Variants in KIAA1549L observed in about 807,000 individuals in gnomAD.
KIAA1549L encodes UPF0606 protein KIAA1549L.
Under a neutral mutation model 160.7 loss-of-function variants are expected in KIAA1549L, and 88 were observed. The observed-to-expected ratio is 0.55, with a 90% CI of 0.46 to 0.65. The LOEUF is 0.65. Among genes scored for constraint, KIAA1549L ranks in the 30% least tolerant of loss-of-function variants. The pLI is 0.00. For synonymous variants in KIAA1549L, 950 were observed against 976.7 expected, an observed-to-expected ratio of 0.97 and a Z score of 0.51; for missense variants, 2,258 against 2,437.5, an observed-to-expected ratio of 0.93 and a Z score of 1.55.
chr11:33,544,562 C>A (rs1042113892), intron 2 of KIAA1549L, among the ~76,000 whole-genome samples: 1 of 152,200 alleles, frequency 6.6e-6, no homozygotes, highest in African/African-American at 2.4e-5. Context: ...TTGCTATCAA[C>A]CATAGCTGTG....
At chr11:33,658,956 C>T in intron 19 of KIAA1549L, 58 bp downstream of exon 19, 5 of 1,467,336 alleles carry the variant, frequency 3.4e-6, no homozygotes, top group Non-Finnish European at 4.6e-6. Flanking sequence ...CCCTGTCCTC[C>T]CTCAAATCCC....
At chr11:33,667,729 A>C in intron 20 of KIAA1549L, 144 bp from the exon 21 acceptor site, 1 of 688,508 alleles carries the variant, frequency 1.5e-6, no homozygotes. Flanking sequence ...TTTTATATCT[A>C]TACAATGGTA....
At chr11:33,643,421 A>G (rs1445934582) in intron 16 of KIAA1549L, among the ~76,000 whole-genome samples, 1 of 152,194 alleles carries the variant, frequency 6.6e-6, no homozygotes, top group South Asian at 2.1e-4. Context: ...CTAAGGCACA[A>G]CTATAAATTC....
intron 6 of KIAA1549L, among the ~76,000 whole-genome samples, chr11:33,552,462 G>T (rs972809122): frequency 1.3e-5 from 2 of 152,084 alleles, no homozygotes; most frequent in Non-Finnish European, 2.9e-5. Context: ...TTCCCCATGG[G>T]ATGCTTTCTG....
intron 1 of KIAA1549L, among the ~76,000 whole-genome samples, chr11:33,490,246 T>A (rs1175677493): frequency 6.6e-6 from 1 of 152,106 alleles, no homozygotes; most frequent in African/African-American, 2.4e-5. Flanking sequence ...ACAGATTATC[T>A]TTCTCCTCTT....
intron 17 of KIAA1549L, among the ~76,000 whole-genome samples, chr11:33,648,307 T>C (rs1851785209): frequency 6.6e-6 from 1 of 152,048 alleles, no homozygotes; most frequent in Non-Finnish European, 1.5e-5. Context: ...AATCAGAACA[T>C]TATTAAACGC....
At position 33,544,170 on chromosome 11, in the gene KIAA1549L, T is replaced by A. The variant is rs1245981668; in HGVS notation, c.2607T>A (p.Ser869=). 6 of 1,613,922 alleles carry A rather than the reference T, an allele frequency of 3.7e-6. No individual in the cohort carries two copies. Among genetic ancestry groups the A allele is most frequent in the Non-Finnish European group, 5.1e-6 (6 of 1,179,902 alleles). Residue 869 remains serine (S), a synonymous_variant, in exon 2 of 21, where the codon TCT becomes TCA. Transcript: ENST00000658780. The part of the protein sequence containing the change: ...EMLSDGTDTG[S]EISSDINSSP... ...TTTCAGATGGAACAGATACAGGTTC[T>A]GAAATTTCCAGTGACATCAATTCAT...
chr11:33,493,175 A>G (rs1325373233), intron 1 of KIAA1549L, among the ~76,000 whole-genome samples: 1 of 152,050 alleles, frequency 6.6e-6, no homozygotes, highest in African/African-American at 2.4e-5. Flanking sequence ...GTGTCTCCCA[A>G]AAAGCATGCA....
chr11:33,394,869 G>A (rs142127830), intron 1 of KIAA1549L, among the ~76,000 whole-genome samples: 58 of 152,340 alleles, frequency 3.8e-4, no homozygotes, highest in African/African-American at 1.3e-3. Context: ...GCTTGTCTGC[G>A]TGCAGCAGAT....
intron 1 of KIAA1549L, among the ~76,000 whole-genome samples, chr11:33,471,860 C>CT (rs1451616154): frequency 1.3e-5 from 2 of 152,242 alleles, no homozygotes; most frequent in African/African-American, 4.8e-5. Flanking sequence ...CTGCGAGTCT[C>CT]TGAGCCCTTG....
intron 1 of KIAA1549L, among the ~76,000 whole-genome samples, chr11:33,416,156 G>C (rs995370057): frequency 5.3e-5 from 8 of 152,148 alleles, no homozygotes; most frequent in African/African-American, 1.7e-4. Context: ...TACGCGTCCT[G>C]AAAACCCTCC....
chr11:33,601,324 C>T (rs957157037), intron 13 of KIAA1549L, among the ~76,000 whole-genome samples: 24 of 152,074 alleles, frequency 1.6e-4, no homozygotes, highest in Non-Finnish European at 5.9e-5. Flanking sequence ...ATGTAAAACT[C>T]AACAGACATC....
intron 1 of KIAA1549L, among the ~76,000 whole-genome samples, chr11:33,504,570 C>T (rs550509500): frequency 2.0e-5 from 3 of 152,082 alleles, no homozygotes; most frequent in South Asian, 2.1e-4. Flanking sequence ...CAGGCTTAAG[C>T]GATTCTCATG....
In KIAA1549L at chr11:33,658,898, G is replaced by T; in HGVS notation, c.6007G>T (p.Gly2003Cys). ...GGATCAGTCGGCTTTAAATTACTCA[G>T]GTGGGCAAGAGAAAAGCCCGAGTGT... ...QLDQSALNYS[G>C]NTVPAVFAIP... Residue 2003 changes from glycine (G) to cysteine (C), a missense_variant and splice_region_variant, in exon 19 of 21, where the codon GGT becomes TGT. This residue lies in a region of KIAA1549L where 1,359 missense variants were observed against 1,546.6 expected (regional missense o/e 0.88). Coordinates refer to ENST00000658780, the MANE Select transcript of KIAA1549L (RefSeq NM_012194.3). 3 of 1,549,680 alleles carry T rather than the reference G, an allele frequency of 1.9e-6. No homozygotes were observed. Among genetic ancestry groups the T allele is most frequent in the Non-Finnish European group, 2.6e-6 (3 of 1,146,042 alleles).
chr11:33,552,966 A>C (rs963505660), intron 6 of KIAA1549L, among the ~76,000 whole-genome samples: 7 of 152,132 alleles, frequency 4.6e-5, no homozygotes, highest in African/African-American at 1.7e-4. Flanking sequence ...AAACAACAGA[A>C]TTCTTTCCCA....
chr11:33,405,453 CA>C (rs987398303), intron 1 of KIAA1549L, among the ~76,000 whole-genome samples: 2 of 148,456 alleles, frequency 1.3e-5, no homozygotes, highest in Non-Finnish European at 3.0e-5. Context: ...AATAGACTAA[CA>C]AAAAAATTCC....
At chr11:33,651,125 T>G (rs1851871467) in intron 17 of KIAA1549L, among the ~76,000 whole-genome samples, 1 of 152,206 alleles carries the variant, frequency 6.6e-6, no homozygotes, top group African/African-American at 2.4e-5. Flanking sequence ...GGCATCAAAC[T>G]GAGTATTTTA....
At chr11:33,517,870 G>A (rs920083292) in intron 1 of KIAA1549L, among the ~76,000 whole-genome samples, 3 of 151,938 alleles carry the variant, frequency 2.0e-5, no homozygotes, top group South Asian at 2.1e-4. Context: ...AGGCAGGCGC[G>A]GTGGCTCACA....
chr11:33,645,987 G>T lies in KIAA1549L; in HGVS notation c.5711G>T (p.Trp1904Leu). ...TMTRPRAGVQWVPTYRPEMYQ... is the reference protein window; with the variant it reads ...TMTRPRAGVQLVPTYRPEMYQ... ...ACGCGGCCCAGGGCCGGGGTGCAGT[G>T]GGTGCCGACCTACCGCCCAGAAATG... Residue 1904 changes from tryptophan to leucine, a missense_variant, in exon 17 of 21, where the codon TGG becomes TTG. Trp to Leu is a moderately conservative substitution (Grantham distance 61). Transcript: ENST00000658780. 1 of 1,608,866 alleles carries T rather than the reference G, an allele frequency of 6.2e-7. No homozygotes were observed. Among genetic ancestry groups the T allele is most frequent in the East Asian group, 2.2e-5 (1 of 44,600 alleles).
Sources: allele counts gnomAD v4.1 joint callset (sites outside exome capture counted in the v4.1 genomes callset), GRCh38; gene constraint gnomAD v4.1.1; regional missense constraint gnomAD v4.1.1; transcripts MANE v1.5; gene names NCBI Gene and HGNC (gene_info 2026-07-23, HGNC 2026-07-21).